The following GIPC2 variants were observed in gnomAD, a reference collection of about 807,000 sequenced individuals.
The protein encoded by GIPC2 is PDZ domain-containing protein GIPC2.
GIPC2 carries 30 observed loss-of-function variants against 30.6 expected under a neutral mutation model. That is an observed-to-expected ratio of 0.98 (90% CI 0.73 to 1.33). The LOEUF (loss-of-function observed/expected upper bound fraction) is 1.33. Among genes scored for constraint, GIPC2 ranks in the 40% most tolerant of loss-of-function variants. The pLI, the probability that GIPC2 is intolerant of heterozygous loss-of-function variation, is 0.00. For missense variants in GIPC2, 414 were observed against 390.3 expected (o/e 1.06, Z -0.51); for synonymous variants, 167 against 150.0 (o/e 1.11, Z -0.83).
rs529812100 is a variant in GIPC2 at position 78,101,570 on chromosome 1, C to T, written c.607+6438C>T. Among the ~76,000 whole-genome samples, 16 of 152,254 alleles carry T rather than the reference C, an allele frequency of 1.1e-4. No homozygotes were observed. The South Asian group carries it at 2.7e-3, about 26-fold the overall frequency. ...GGTCACAGAAAAAAACATTTGAAAG[C>T]CACTGGCTTAAATGACTCCCTTGTT... On this transcript the variant is annotated intron_variant, in intron 3 of 5. Transcript: ENST00000370759.
intron 4 of GIPC2, among the ~76,000 whole-genome samples, chr1:78,124,007 G>T (rs114907869): frequency 0.012 from 1,826 of 152,264 alleles, 40 homozygotes; most frequent in African/African-American, 0.042. Flanking sequence ...TAAAATGCAT[G>T]ATTTTAATAA....
rs530807192 is a variant in GIPC2 at position 78,082,524 on chromosome 1, G to A, written c.426+1664G>A. ...AGTCATATGGGATTATCCAAGGGAA[G>A]CTCAGGACATGAGGCACAGGCAGCA... On this transcript the variant is annotated intron_variant, in intron 2 of 5. Coordinates refer to ENST00000370759, the MANE Select transcript of GIPC2 (RefSeq NM_017655.6). 1.7e-3 allele frequency among the ~76,000 whole-genome samples: 253 copies of A among 152,312 alleles called. 2 individuals carry two copies. The highest frequency in any genetic ancestry group is 5.9e-3 in the African/African-American group (245 of 41,568).
intron 1 of GIPC2, among the ~76,000 whole-genome samples, chr1:78,055,796 T>C (rs576636099): frequency 6.6e-6 from 1 of 152,202 alleles, no homozygotes; most frequent in Non-Finnish European, 1.5e-5. Context: ...GGTACAGAGG[T>C]AGGTGAGCAG....
At chr1:78,093,726 C>T (rs759624188) in intron 2 of GIPC2, among the ~76,000 whole-genome samples, 8 of 152,122 alleles carry the variant, frequency 5.3e-5, no homozygotes, top group Non-Finnish European at 1.0e-4. Flanking sequence ...GTAAAGAATA[C>T]ACAACCTTTA....
chr1:78,061,645 C>T (rs1256867113), intron 1 of GIPC2, among the ~76,000 whole-genome samples: 2 of 86,416 alleles, frequency 2.3e-5, no homozygotes, highest in East Asian at 3.9e-4. Context: ...GGACTACAGG[C>T]GTGAGCCACC....
chr1:78,047,507 T>C (rs574373568), intron 1 of GIPC2, among the ~76,000 whole-genome samples: 2 of 152,146 alleles, frequency 1.3e-5, no homozygotes, highest in Non-Finnish European at 2.9e-5. Context: ...CTAATAATAC[T>C]TCACATTTAT....
chr1:78,063,405 T>A (rs1022470092), intron 1 of GIPC2, among the ~76,000 whole-genome samples: 1 of 151,786 alleles, frequency 6.6e-6, no homozygotes, highest in Admixed American at 6.6e-5. Flanking sequence ...GGCAGGAGAA[T>A]TGCTTGAACC....
chr1:78,078,187 CA>C (rs10694093), intron 1 of GIPC2, among the ~76,000 whole-genome samples: 2,232 of 64,954 alleles, frequency 0.034, 7 homozygotes, highest in Non-Finnish European at 0.044. Flanking sequence ...GACTCCATCT[CA>C]AAAAAAAAAA....
intron 1 of GIPC2, 27 bp downstream of exon 1, chr1:78,046,361 CCGCCTCTCCGCCGCGCCG>C (rs761864707): frequency 1.8e-5 from 29 of 1,572,206 alleles, no homozygotes; most frequent in Non-Finnish European, 2.3e-5. Flanking sequence ...TCAGGCTCTC[CCGCCTCTCCGCCGCGCCG>C]CGCCGCGCCG....
chr1:78,126,583 T>C (rs962924018), intron 5 of GIPC2, among the ~76,000 whole-genome samples: 5 of 152,056 alleles, frequency 3.3e-5, no homozygotes, highest in Admixed American at 2.6e-4. Context: ...TTGGTTCTTA[T>C]AATTGAAAAG....
intron 1 of GIPC2, among the ~76,000 whole-genome samples, chr1:78,070,252 G>A (rs1461168212): frequency 2.0e-5 from 3 of 152,096 alleles, no homozygotes; most frequent in African/African-American, 2.4e-5. Flanking sequence ...TAATTATGAT[G>A]TTTTATAAAC....
At chr1:78,086,758 C>T (rs1319906702) in intron 2 of GIPC2, among the ~76,000 whole-genome samples, 1 of 151,994 alleles carries the variant, frequency 6.6e-6, no homozygotes, top group East Asian at 1.9e-4. Context: ...GATTGCAGCC[C>T]CTGCTTTTTT....
At chr1:78,093,890 A>AT (rs536558170) in intron 2 of GIPC2, among the ~76,000 whole-genome samples, 2 of 151,962 alleles carry the variant, frequency 1.3e-5, no homozygotes, top group Admixed American at 1.3e-4. Flanking sequence ...ATTCTGGAAG[A>AT]TTTTTCTGGA....
Position 78,095,095 on chromosome 1 carries a change from CTT to C in GIPC2, c.572_573del (p.Phe191TyrfsTer8), listed in dbSNP as rs768493283. The C allele has an allele frequency of 3.8e-5, 62 of 1,612,912 alleles. No individual in the cohort carries two copies. In the African/African-American group the frequency reaches 7.6e-4, roughly 20 times the overall value. ...KLKELKKEEL[F>X]TMKLIEPKKA... ...TAAAGGAATTAAAAAAGGAGGAACT[CTT>C]TACTATGAAGTTAATAGAACCTAAG... On this transcript the variant is annotated frameshift_variant, in exon 3 of 6. Coordinates refer to ENST00000370759, the MANE Select transcript of GIPC2 (RefSeq NM_017655.6). LOFTEE classifies it high-confidence loss of function.
rs1373147689 is a variant in GIPC2, at chr1:78,062,473, A to G, written c.240+16139A>G. 2.0e-5 allele frequency among the ~76,000 whole-genome samples: 3 copies of G among 150,808 alleles called. No individual in the cohort carries two copies. The East Asian group carries it at 5.8e-4, about 29-fold the overall frequency. On this transcript the variant is annotated intron_variant, in intron 1 of 5. Coordinates refer to ENST00000370759, the MANE Select transcript of GIPC2 (RefSeq NM_017655.6). ...GAAGGGAAGCATTTCTTAAGAATTG[A>G]GGAGAAGGGAATTACTGTGTTTTTT...
intron 3 of GIPC2, among the ~76,000 whole-genome samples, chr1:78,097,565 TGTA>T (rs1296886472): frequency 6.6e-6 from 1 of 152,228 alleles, no homozygotes; most frequent in East Asian, 1.9e-4. Flanking sequence ...ACCACTTCTT[TGTA>T]GTGGTTAGGG....
chr1:78,082,935 CAT>C (rs1661858622), intron 2 of GIPC2, among the ~76,000 whole-genome samples: 1 of 42,770 alleles, frequency 2.3e-5, no homozygotes, highest in Admixed American at 1.7e-4. Context: ...TGTTCTGTCT[CAT>C]ACACACACAT....
chr1:78,114,140 C>T (rs1017728904), intron 3 of GIPC2, among the ~76,000 whole-genome samples: 4 of 152,180 alleles, frequency 2.6e-5, no homozygotes, highest in Non-Finnish European at 5.9e-5. Flanking sequence ...GTATGACAGG[C>T]GGACGGCCAG....
chr1:78,098,026 G>A (rs1662170660), intron 3 of GIPC2, among the ~76,000 whole-genome samples: 1 of 152,154 alleles, frequency 6.6e-6, no homozygotes, highest in African/African-American at 2.4e-5. Flanking sequence ...AGTAGCAGAT[G>A]CCCATTTTGC....
Sources: allele counts gnomAD v4.1 joint callset (sites outside exome capture counted in the v4.1 genomes callset), GRCh38; gene constraint gnomAD v4.1.1; transcripts MANE v1.5; gene names NCBI Gene and HGNC (gene_info 2026-07-23, HGNC 2026-07-21).